The following KLF12 variants were observed in gnomAD, a reference collection of about 807,000 sequenced individuals.
KLF12 encodes the protein Krueppel-like factor 12.
Under a neutral mutation model 37.8 loss-of-function variants are expected in KLF12, and 9 were observed. The ratio of observed to expected loss-of-function variants is 0.24; its 90% CI spans 0.14 to 0.42. KLF12 has a LOEUF of 0.42. Among genes scored for constraint, KLF12 ranks in the 10% least tolerant of loss-of-function variants. The pLI is 1.00. For synonymous variants in KLF12, 208 were observed against 202.1 expected, an observed-to-expected ratio of 1.03 and a Z score of -0.25; for missense variants, 411 against 516.0, an observed-to-expected ratio of 0.80 and a Z score of 1.97.
intron 2 of KLF12, among the ~76,000 whole-genome samples, chr13:73,988,196 G>T (rs892879045): frequency 2.0e-5 from 3 of 152,156 alleles, no homozygotes; most frequent in African/African-American, 7.2e-5. Flanking sequence ...ACACCCTTTT[G>T]CATTTGCTAA....
At chr13:74,297,779 T>C in the KLF12 span, among the ~76,000 whole-genome samples, 1 of 152,350 alleles carries the variant, frequency 6.6e-6, no homozygotes, top group Middle Eastern at 3.4e-3. Context: ...ACATTCTGTA[T>C]AGCATCTTAA....
chr13:74,201,857 T>C, the KLF12 span, among the ~76,000 whole-genome samples: 1 of 152,100 alleles, frequency 6.6e-6, no homozygotes, highest in Admixed American at 6.6e-5. Context: ...TAGTTTTGGA[T>C]CTGATTTTAA....
the KLF12 span, among the ~76,000 whole-genome samples, chr13:74,147,437 G>A: frequency 2.6e-5 from 4 of 152,310 alleles, no homozygotes; most frequent in East Asian, 3.9e-4. Flanking sequence ...TGCTGCAGTG[G>A]CTGTTAATTT....
chr13:73,715,667 G>C, intron 6 of KLF12, 142 bp from the exon 7 acceptor site: 1 of 762,780 alleles, frequency 1.3e-6, no homozygotes, highest in African/African-American at 1.8e-5. Flanking sequence ...CCACTATCTT[G>C]GGCAGATCTC....
At chr13:74,259,479 C>T in the KLF12 span, 1 of 152,084 alleles carries the variant, frequency 6.6e-6, no homozygotes, top group Admixed American at 6.6e-5. Flanking sequence ...GAATCTGTTC[C>T]TCAGTCATTT....
intron 2 of KLF12, among the ~76,000 whole-genome samples, chr13:73,951,657 A>C (rs9592952): frequency 0.34 from 52,275 of 152,034 alleles, 10,203 homozygotes; most frequent in East Asian, 0.6. Context: ...AATGGAGAGG[A>C]GAGCTCTAAG....
At chr13:74,255,593 T>G in the KLF12 span, among the ~76,000 whole-genome samples, 1 of 152,220 alleles carries the variant, frequency 6.6e-6, no homozygotes, top group Admixed American at 6.5e-5. Context: ...GAGAAGGATA[T>G]CCACAAAACA....
At chr13:74,176,142 C>A in the KLF12 span, among the ~76,000 whole-genome samples, 1 of 152,138 alleles carries the variant, frequency 6.6e-6, no homozygotes, top group African/African-American at 2.4e-5. Context: ...GCCATTTCAA[C>A]CTAACTTATT....
intron 1 of KLF12, among the ~76,000 whole-genome samples, chr13:74,038,001 T>A (rs1893303645): frequency 6.6e-6 from 1 of 152,148 alleles, no homozygotes; most frequent in Admixed American, 6.5e-5. Flanking sequence ...ATACACAAGA[T>A]CTGTTATCTT....
the KLF12 span, among the ~76,000 whole-genome samples, chr13:74,226,419 G>A: frequency 2.0e-5 from 3 of 152,164 alleles, no homozygotes; most frequent in African/African-American, 7.2e-5. Context: ...TTAGCAGAGA[G>A]GGGAAGATGT....
At chr13:74,085,759 C>T (rs1366216730) in intron 1 of KLF12, among the ~76,000 whole-genome samples, 2 of 152,134 alleles carry the variant, frequency 1.3e-5, no homozygotes, top group Non-Finnish European at 2.9e-5. Flanking sequence ...CTGATTTAGC[C>T]ATCTGGGGTT....
At chr13:74,111,079 G>A (rs1876944326) in intron 1 of KLF12, among the ~76,000 whole-genome samples, 1 of 151,690 alleles carries the variant, frequency 6.6e-6, no homozygotes, top group Non-Finnish European at 1.5e-5. Context: ...CTTGAACCCA[G>A]GAGGCAGGGG....
At chr13:74,277,359 G>A in the KLF12 span, among the ~76,000 whole-genome samples, 2 of 152,230 alleles carry the variant, frequency 1.3e-5, no homozygotes, top group East Asian at 1.9e-4. Context: ...TTCTTGACCT[G>A]CCCAACAGGA....
chr13:74,065,466 C>A (rs79525620), intron 1 of KLF12, among the ~76,000 whole-genome samples: 1 of 143,056 alleles, frequency 7.0e-6, no homozygotes, highest in Non-Finnish European at 1.5e-5. Flanking sequence ...AAGAGTCCCC[C>A]AAAGAATTGA....
the KLF12 span, among the ~76,000 whole-genome samples, chr13:74,250,585 G>T: frequency 6.6e-6 from 1 of 152,148 alleles, no homozygotes; most frequent in Non-Finnish European, 1.5e-5. Flanking sequence ...AGGCTTCTTG[G>T]TGAGGAAGCT....
chr13:73,800,799 A>G (rs1441290594), intron 5 of KLF12: 1 of 152,108 alleles, frequency 6.6e-6, no homozygotes, highest in Non-Finnish European at 1.5e-5. Context: ...GATATATCAG[A>G]TAGTTTTAAA....
chr13:73,793,409 C>A (rs748667078), intron 5 of KLF12, among the ~76,000 whole-genome samples: 2 of 152,178 alleles, frequency 1.3e-5, no homozygotes, highest in Non-Finnish European at 2.9e-5. Context: ...GATCCCCAAA[C>A]ACTTCTATAA....
chr13:74,119,161 C>T (rs1593915507), intron 1 of KLF12, among the ~76,000 whole-genome samples: 1 of 152,052 alleles, frequency 6.6e-6, no homozygotes, highest in Non-Finnish European at 1.5e-5. Context: ...GGCAAAACCC[C>T]ATTTTTACTA....
At chr13:74,140,559 C>G in the KLF12 span, among the ~76,000 whole-genome samples, 1 of 152,148 alleles carries the variant, frequency 6.6e-6, no homozygotes, top group South Asian at 2.1e-4. Context: ...TGTGTTCTTG[C>G]TAGTATTGGG....
Sources: allele counts gnomAD v4.1 joint callset (sites outside exome capture counted in the v4.1 genomes callset), GRCh38; gene constraint gnomAD v4.1.1; transcripts MANE v1.5; gene names NCBI Gene and HGNC (gene_info 2026-07-23, HGNC 2026-07-21).